The following MAP3K20 variants were observed in gnomAD, a reference collection of about 807,000 sequenced individuals.
The protein encoded by MAP3K20 is HCCS-4.
A neutral mutation model predicts 85.7 loss-of-function variants in MAP3K20; 40 were observed. The ratio of observed to expected loss-of-function variants is 0.47; its 90% CI spans 0.36 to 0.61. The LOEUF is 0.61. Among genes scored for constraint, MAP3K20 ranks in the 20% least tolerant of loss-of-function variants. The pLI, the probability that MAP3K20 is intolerant of heterozygous loss-of-function variation, is 0.00. For missense variants in MAP3K20, 817 were observed against 961.7 expected, an observed-to-expected ratio of 0.85 and a Z score of 1.99; for synonymous variants, 325 against 327.7, an observed-to-expected ratio of 0.99 and a Z score of 0.09.
At chr2:173,257,220 T>G (rs1440888767) in intron 16 of MAP3K20, among the ~76,000 whole-genome samples, 1 of 152,074 alleles carries the variant, frequency 6.6e-6, no homozygotes, top group East Asian at 1.9e-4. Context: ...ATACACAGAT[T>G]TAATATATAT....
At chr2:173,181,694 T>C (rs1690331369) in intron 3 of MAP3K20, among the ~76,000 whole-genome samples, 1 of 152,106 alleles carries the variant, frequency 6.6e-6, no homozygotes, top group South Asian at 2.1e-4. Context: ...AACAGAATAG[T>C]ATTCGGCAAT....
At chr2:173,234,413 G>A (rs1023130037) in intron 14 of MAP3K20, among the ~76,000 whole-genome samples, 4 of 152,184 alleles carry the variant, frequency 2.6e-5, no homozygotes, top group Non-Finnish European at 5.9e-5. Flanking sequence ...AAAGAAACCT[G>A]TGGTTAAGGA....
chr2:173,143,960 C>T (rs1336170828), intron 2 of MAP3K20, among the ~76,000 whole-genome samples: 2 of 151,824 alleles, frequency 1.3e-5, no homozygotes, highest in African/African-American at 2.4e-5. Context: ...ACATACAAAA[C>T]CTCTATGCTG....
At chr2:173,136,268 G>C (rs755095375) in intron 2 of MAP3K20, among the ~76,000 whole-genome samples, 1 of 152,128 alleles carries the variant, frequency 6.6e-6, no homozygotes, top group East Asian at 1.9e-4. Flanking sequence ...GGGGTGTGGG[G>C]CTCCTTTTTC....
At chr2:173,121,702 A>G (rs1202453564) in intron 2 of MAP3K20, among the ~76,000 whole-genome samples, 2 of 151,956 alleles carry the variant, frequency 1.3e-5, no homozygotes, top group Admixed American at 1.3e-4. Context: ...ACAAATTCTT[A>G]TCTAGGATAC....
chr2:173,206,144 A>G (rs1220787285), intron 9 of MAP3K20, among the ~76,000 whole-genome samples: 1 of 152,186 alleles, frequency 6.6e-6, no homozygotes, highest in African/African-American at 2.4e-5. Flanking sequence ...CTAGATCTCT[A>G]TAATTGTGAT....
chr2:173,156,631 T>C (rs1422511924), intron 2 of MAP3K20, among the ~76,000 whole-genome samples: 1 of 152,158 alleles, frequency 6.6e-6, no homozygotes, highest in Non-Finnish European at 1.5e-5. Context: ...ATAGGGTTTG[T>C]GCTCCTCTGA....
intron 10 of MAP3K20, among the ~76,000 whole-genome samples, chr2:173,216,003 A>G (rs185934230): frequency 1.3e-5 from 2 of 152,132 alleles, no homozygotes; most frequent in Admixed American, 6.6e-5. Context: ...CTATTCTGCA[A>G]TAGTCACCCA....
intron 2 of MAP3K20, among the ~76,000 whole-genome samples, chr2:173,164,439 G>A (rs1385115904): frequency 6.6e-6 from 1 of 152,060 alleles, no homozygotes; most frequent in Non-Finnish European, 1.5e-5. Flanking sequence ...GTTCCTTATA[G>A]ATTCTGGACA....
At chr2:173,120,277 C>T (rs1032179140) in intron 2 of MAP3K20, among the ~76,000 whole-genome samples, 2 of 152,024 alleles carry the variant, frequency 1.3e-5, no homozygotes, top group Admixed American at 6.6e-5. Flanking sequence ...AACTTTCATT[C>T]CTGAAGGTTC....
intron 2 of MAP3K20, chr2:173,166,401 C>T (rs1190350409): frequency 2.0e-5 from 3 of 152,080 alleles, no homozygotes; most frequent in Non-Finnish European, 2.9e-5. Flanking sequence ...ACATTGGGTC[C>T]AAGTATCTGT....
At chr2:173,086,208 G>A (rs1193939719) in intron 1 of MAP3K20, among the ~76,000 whole-genome samples, 1 of 152,128 alleles carries the variant, frequency 6.6e-6, no homozygotes, top group Non-Finnish European at 1.5e-5. Context: ...TCATTAAGTG[G>A]AGAATACATT....
At chr2:173,110,230 TATATATATATA>T (rs1331118996) in intron 2 of MAP3K20, among the ~76,000 whole-genome samples, 458 of 12,320 alleles carry the variant, frequency 0.037, 9 homozygotes, top group Non-Finnish European at 0.044. Context: ...TATATATATA[TATATATATATA>T]TTTTTTTTTT....
intron 2 of MAP3K20, among the ~76,000 whole-genome samples, chr2:173,168,018 G>A (rs2106248129): frequency 6.6e-6 from 1 of 151,760 alleles, no homozygotes; most frequent in East Asian, 1.9e-4. Flanking sequence ...TAAAATGGGG[G>A]CTTTGTGATT....
chr2:173,177,812 A>G (rs1690205691), intron 3 of MAP3K20, among the ~76,000 whole-genome samples: 2 of 152,322 alleles, frequency 1.3e-5, no homozygotes, highest in Admixed American at 1.3e-4. Flanking sequence ...TATTAAAATT[A>G]TAGAATGCAG....
intron 11 of MAP3K20, among the ~76,000 whole-genome samples, chr2:173,229,172 C>T (rs981977821): frequency 1.3e-5 from 2 of 152,136 alleles, no homozygotes; most frequent in African/African-American, 2.4e-5. Context: ...TTCTTAGGAC[C>T]GTACCAATTT....
At chr2:173,075,721 C>T (rs957481975), upstream of MAP3K20, 134 of 985,314 alleles carry the variant, frequency 1.4e-4, no homozygotes, top group Middle Eastern at 5.2e-4. Flanking sequence ...GATGGTGCCC[C>T]CCGGGCGCAG....
At chr2:173,204,322 G>A (rs1232217918) in intron 9 of MAP3K20, among the ~76,000 whole-genome samples, 2 of 152,182 alleles carry the variant, frequency 1.3e-5, no homozygotes, top group East Asian at 1.9e-4. Flanking sequence ...GTTACATCAT[G>A]AGCTCAAGGC....
chr2:173,150,021 A>G (rs1689256145), intron 2 of MAP3K20, among the ~76,000 whole-genome samples: 1 of 152,208 alleles, frequency 6.6e-6, no homozygotes, highest in South Asian at 2.1e-4. Context: ...AAAGAATAGT[A>G]GTGTAGTGGT....
Sources: allele counts gnomAD v4.1 joint callset (sites outside exome capture counted in the v4.1 genomes callset), GRCh38; gene constraint gnomAD v4.1.1; transcripts MANE v1.5; gene names NCBI Gene and HGNC (gene_info 2026-07-23, HGNC 2026-07-21).